TMC7: variants seen among roughly 807,000 people sequenced by gnomAD.
TMC7 encodes the protein transmembrane channel-like protein 7.
In TMC7, 54 loss-of-function variants were observed where a neutral mutation model predicts 82.9. The ratio of observed to expected loss-of-function variants is 0.65; its 90% CI spans 0.52 to 0.82. The LOEUF is 0.82. Among genes scored for constraint, TMC7 ranks in the 40% least tolerant of loss-of-function variants. The pLI, the probability that TMC7 is intolerant of heterozygous loss-of-function variation, is 0.00. For missense variants in TMC7, 820 were observed against 901.2 expected, an observed-to-expected ratio of 0.91 and a Z score of 1.15; for synonymous variants, 350 against 337.9, an observed-to-expected ratio of 1.04 and a Z score of -0.39.
chr16:19,061,882 A>G lies in TMC7; in HGVS notation c.*39A>G. ...GAAGATGGTGCTGCCTGTTGCTTCT[A>G]AGCTGACCTAGTGATTCTGCTGAGC... On this transcript the variant is annotated 3_prime_UTR_variant, in exon 16 of 16. Coordinates refer to ENST00000304381, the MANE Select transcript of TMC7 (RefSeq NM_024847.4). 1 of 1,569,112 alleles carries G rather than the reference A, an allele frequency of 6.4e-7. No homozygotes were observed. Among genetic ancestry groups the G allele is most frequent in the South Asian group, 1.1e-5 (1 of 88,228 alleles).
At chr16:19,003,411 G>C (rs1448978010) in intron 1 of TMC7, among the ~76,000 whole-genome samples, 3 of 149,170 alleles carry the variant, frequency 2.0e-5, no homozygotes, top group Non-Finnish European at 4.4e-5. Flanking sequence ...GAGGTGGGGG[G>C]GGTCAGCCCC....
At chr16:19,060,490 C>A (rs1052440715) in intron 15 of TMC7, among the ~76,000 whole-genome samples, 3 of 152,240 alleles carry the variant, frequency 2.0e-5, no homozygotes, top group Non-Finnish European at 4.4e-5. Flanking sequence ...CAGGCATGAG[C>A]CACTATGCCT....
chr16:19,042,600 C>T (rs2142273927), intron 9 of TMC7, among the ~76,000 whole-genome samples: 1 of 151,604 alleles, frequency 6.6e-6, no homozygotes, highest in African/African-American at 2.4e-5. Flanking sequence ...CTCCGCCTCC[C>T]GGGTTCACGC....
At chr16:19,039,902 G>A (rs1445086441) in intron 8 of TMC7, among the ~76,000 whole-genome samples, 2 of 151,956 alleles carry the variant, frequency 1.3e-5, no homozygotes, top group Non-Finnish European at 2.9e-5. Flanking sequence ...GATCACCTGA[G>A]GTCAGGAGTT....
chr16:19,001,229 A>T (rs1410851945), intron 1 of TMC7, among the ~76,000 whole-genome samples: 1 of 152,130 alleles, frequency 6.6e-6, no homozygotes, highest in African/African-American at 2.4e-5. Context: ...TCATTCCTGA[A>T]TTATTCATTC....
intron 5 of TMC7, among the ~76,000 whole-genome samples, chr16:19,028,289 C>G (rs536510447): frequency 2.4e-4 from 37 of 152,192 alleles, no homozygotes; most frequent in Non-Finnish European, 7.4e-5. Context: ...AATCCCAGCA[C>G]TTTGGGAGGC....
intron 5 of TMC7, among the ~76,000 whole-genome samples, chr16:19,027,388 A>C (rs6497317): frequency 6.6e-6 from 1 of 152,006 alleles, no homozygotes; most frequent in Non-Finnish European, 1.5e-5. Context: ...ACTCTTGAGC[A>C]CTTGAAATAT....
chr16:19,010,134 C>CTCCCCTCCCT (rs1197858313), intron 2 of TMC7, among the ~76,000 whole-genome samples: 1 of 27,356 alleles, frequency 3.7e-5, no homozygotes, highest in East Asian at 2.8e-3. Flanking sequence ...CCTCTCTCCT[C>CTCCCCTCCCT]TCCCCTCCCC....
intron 13 of TMC7, among the ~76,000 whole-genome samples, chr16:19,055,708 T>G (rs1961740437): frequency 6.6e-6 from 1 of 152,180 alleles, no homozygotes; most frequent in East Asian, 1.9e-4. Flanking sequence ...TAGTCTCTCT[T>G]TTTTTAAATT....
chr16:19,017,811 C>T lies in TMC7; in HGVS notation c.460+1213C>T, dbSNP rs1046644968. On this transcript the variant is annotated intron_variant, in intron 3 of 15. Transcript: ENST00000304381. ...TCAGCCTCCCGAGTAGCTGGGACTA[C>T]AGGTGCCCGCCACCTCGCCTGGCTA... is the stretch of plus-strand genomic sequence containing the variant. Among the ~76,000 whole-genome samples the T allele has an allele frequency of 2.0e-5, 3 of 151,980 alleles. No homozygotes were observed. The East Asian group carries it at 5.8e-4, about 29-fold the overall frequency.
intron 9 of TMC7, among the ~76,000 whole-genome samples, chr16:19,042,150 G>A (rs947765445): frequency 2.6e-5 from 4 of 151,822 alleles, no homozygotes; most frequent in African/African-American, 9.7e-5. Context: ...AGCAGAGGGC[G>A]TGGGTTCGCT....
At chr16:19,019,328 T>C (rs1480233540) in intron 3 of TMC7, among the ~76,000 whole-genome samples, 1 of 152,210 alleles carries the variant, frequency 6.6e-6, no homozygotes. Flanking sequence ...AGCTACCTTT[T>C]TATTGTTGTT....
chr16:19,009,117 T>C (rs2039291182), intron 1 of TMC7, 55 bp from the exon 2 acceptor site: 5 of 1,573,362 alleles, frequency 3.2e-6, no homozygotes, highest in Non-Finnish European at 4.3e-6. Context: ...CCAAGTTTCC[T>C]GCTTGGCTTC....
intron 3 of TMC7, among the ~76,000 whole-genome samples, chr16:19,017,895 C>T (rs1959780264): frequency 6.6e-6 from 1 of 152,182 alleles, no homozygotes; most frequent in South Asian, 2.1e-4. Context: ...TGGTCTTGAT[C>T]TCCTGACCTC....
intron 9 of TMC7, among the ~76,000 whole-genome samples, chr16:19,044,667 T>C (rs1314774433): frequency 1.4e-5 from 2 of 145,908 alleles, no homozygotes; most frequent in African/African-American, 5.1e-5. Context: ...CTGGGTATGG[T>C]GGCAGACACC....
chr16:19,045,493 A>T, intron 11 of TMC7, 55 bp downstream of exon 11: 1 of 1,180,566 alleles, frequency 8.5e-7, no homozygotes, highest in South Asian at 1.2e-5. Context: ...GCACACACAC[A>T]CATACACACA....
At chr16:19,013,346 G>C (rs1959487555) in intron 2 of TMC7, among the ~76,000 whole-genome samples, 1 of 151,516 alleles carries the variant, frequency 6.6e-6, no homozygotes, top group African/African-American at 2.4e-5. Flanking sequence ...AGCCTCCCTA[G>C]TAGCTGGGAT....
intron 12 of TMC7, among the ~76,000 whole-genome samples, 185 bp from the exon 13 acceptor site, chr16:19,051,501 T>C (rs1961540072): frequency 6.6e-6 from 1 of 150,468 alleles, no homozygotes; most frequent in Non-Finnish European, 1.5e-5. Flanking sequence ...GAACATGCGG[T>C]GTTTGGTTTT....
At chr16:18,985,698 G>GTTT (rs56873601) in intron 1 of TMC7, among the ~76,000 whole-genome samples, 2 of 132,782 alleles carry the variant, frequency 1.5e-5, no homozygotes, top group Admixed American at 7.7e-5. Flanking sequence ...AGATAGATGA[G>GTTT]TTTTTTTTTT....
Sources: allele counts gnomAD v4.1 joint callset (sites outside exome capture counted in the v4.1 genomes callset), GRCh38; gene constraint gnomAD v4.1.1; transcripts MANE v1.5; gene names NCBI Gene and HGNC (gene_info 2026-07-23, HGNC 2026-07-21).